Variants in ARRB1 observed in about 807,000 individuals in gnomAD.
ARRB1 encodes the protein arrestin beta 1.
In ARRB1, 21 loss-of-function variants were observed where a neutral mutation model predicts 56.8. The ratio of observed to expected loss-of-function variants is 0.37; its 90% confidence interval spans 0.26 to 0.53. The LOEUF is 0.53. Ranked by LOEUF, ARRB1 falls within the 20% of genes least tolerant of loss-of-function variation. The pLI is 0.88. For missense variants in ARRB1, 424 were observed against 553.7 expected (o/e 0.77, Z 2.35); for synonymous variants, 210 against 218.6 (o/e 0.96, Z 0.35).
At chr11:75,285,367 C>A (rs1207881152) in intron 3 of ARRB1, among the ~76,000 whole-genome samples, 1 of 152,254 alleles carries the variant, frequency 6.6e-6, no homozygotes, top group Non-Finnish European at 1.5e-5. Context: ...CTCAGCACCC[C>A]AGGAGGCCAG....
chr11:75,287,186 T>C (rs1259045796), intron 3 of ARRB1, 129 bp downstream of exon 3: 5 of 915,984 alleles, frequency 5.5e-6, no homozygotes, highest in Non-Finnish European at 6.4e-6. Context: ...AAATGCTTGC[T>C]GCCTGAAGCA....
At chr11:75,305,503 C>T (rs1320980000) in intron 1 of ARRB1, among the ~76,000 whole-genome samples, 1 of 152,210 alleles carries the variant, frequency 6.6e-6, no homozygotes, top group African/African-American at 2.4e-5. Context: ...AGTGACTTCA[C>T]ACTGGTAGAG....
At chr11:75,274,711 G>A (rs558708952) in intron 10 of ARRB1, 1 of 152,548 alleles carries the variant, frequency 6.6e-6, no homozygotes, top group African/African-American at 2.4e-5. Context: ...AGAATGGCAT[G>A]AACCTGGGAG....
chr11:75,282,174 A>G (rs1248116035), intron 5 of ARRB1, 153 bp from the exon 6 acceptor site: 7 of 681,370 alleles, frequency 1.0e-5, no homozygotes, highest in African/African-American at 1.8e-5. Flanking sequence ...GCCATGCCCC[A>G]TCTAAAACTC....
At chr11:75,291,412 A>G (rs1043309854) in intron 1 of ARRB1, among the ~76,000 whole-genome samples, 3 of 152,228 alleles carry the variant, frequency 2.0e-5, no homozygotes, top group Admixed American at 2.0e-4. Flanking sequence ...GAATGAATGA[A>G]TGAATGAGTG....
intron 1 of ARRB1, among the ~76,000 whole-genome samples, chr11:75,347,354 T>C (rs1157049591): frequency 1.3e-5 from 2 of 151,822 alleles, no homozygotes; most frequent in Non-Finnish European, 2.9e-5. Context: ...CCAAGAGAAA[T>C]GACAGCCAAA....
intron 11 of ARRB1, 21 bp downstream of exon 11, chr11:75,274,053 G>T: frequency 1.2e-6 from 2 of 1,613,980 alleles, no homozygotes; most frequent in Non-Finnish European, 1.7e-6. Flanking sequence ...GGAGCCCAGG[G>T]CTAGGAGGGC....
intron 1 of ARRB1, among the ~76,000 whole-genome samples, chr11:75,297,048 G>T (rs1047620293): frequency 1.3e-5 from 2 of 152,150 alleles, no homozygotes; most frequent in African/African-American, 4.8e-5. Context: ...AGCAGAGTAA[G>T]TCAGGAATCA....
intron 15 of ARRB1, 120 bp downstream of exon 15, chr11:75,267,532 C>A: frequency 9.6e-7 from 1 of 1,038,374 alleles, no homozygotes; most frequent in South Asian, 1.4e-5. Context: ...AGGTGGCTCT[C>A]AGCAGACGGG....
Position 75,328,774 on chromosome 11 carries a change from G to A in ARRB1, c.20+22814C>T, listed in dbSNP as rs528893768. On this transcript the variant is annotated intron_variant, in intron 1 of 15. Transcript: ENST00000420843. ...CAAGGAGTCCCAGGATCCAGGGCCA[G>A]GGGCCAGGCATACCACATCCAAGAT... Among the ~76,000 whole-genome samples, 130 of 152,346 alleles carry A rather than the reference G, an allele frequency of 8.5e-4. 5 individuals carry two copies. Among genetic ancestry groups the A allele is most frequent in the African/African-American group, 3.1e-3 (127 of 41,582 alleles).
At chr11:75,342,536 G>A (rs774405315) in intron 1 of ARRB1, among the ~76,000 whole-genome samples, 59 of 152,130 alleles carry the variant, frequency 3.9e-4, no homozygotes, top group Admixed American at 1.4e-3. Flanking sequence ...CTTGATCACC[G>A]GTGGGTCATC....
chr11:75,323,576 C>T (rs1591975725), intron 1 of ARRB1, among the ~76,000 whole-genome samples: 1 of 152,056 alleles, frequency 6.6e-6, no homozygotes, highest in African/African-American at 2.4e-5. Context: ...GCCCAGATCA[C>T]GCCACTGCAC....
intron 1 of ARRB1, among the ~76,000 whole-genome samples, chr11:75,350,630 A>G (rs1947834216): frequency 6.6e-6 from 1 of 152,136 alleles, no homozygotes; most frequent in African/African-American, 2.4e-5. Context: ...GTTTCTGAGT[A>G]TTTCAGGACA....
chr11:75,308,355 C>T lies in ARRB1; in HGVS notation c.21-18316G>A, dbSNP rs78604352. 9.8e-3 allele frequency among the ~76,000 whole-genome samples: 1,493 copies of T among 152,312 alleles called. 18 individuals are homozygous for T. Among genetic ancestry groups the T allele is most frequent in the African/African-American group, 0.032 (1,347 of 41,566 alleles). On this transcript the variant is annotated intron_variant, in intron 1 of 15. Coordinates refer to ENST00000420843, the MANE Select transcript of ARRB1 (RefSeq NM_004041.5). ...CCAGGCCCCATGACCAAGGCCCAAG[C>T]GAGCCCAGAGACAGCACTAAGTAAA...
rs1227831031 is a variant in ARRB1, at chr11:75,274,191, G to A, written c.797C>T (p.Ser266Leu). The A allele has an allele frequency of 2.5e-6, 4 of 1,614,150 alleles. No individual in the cohort carries two copies. Among genetic ancestry groups the A allele is most frequent in the African/African-American group, 1.3e-5 (1 of 75,050 alleles). Residue 266 changes from serine to leucine, a missense_variant, in exon 11 of 16, where the codon TCG becomes TTG. Coordinates refer to ENST00000420843, the MANE Select transcript of ARRB1 (RefSeq NM_004041.5). The stretch of plus-strand genomic sequence containing the variant: ...CAGTGTGTAGACCTTGCAGAACGTC[G>A]AGCTGGGTGCCACAGTGTCACTGGG... ...EEADDTVAPS[S>L]TFCKVYTLTP...
At chr11:75,300,899 C>G (rs1946885890) in intron 1 of ARRB1, among the ~76,000 whole-genome samples, 1 of 139,756 alleles carries the variant, frequency 7.2e-6, no homozygotes, top group South Asian at 2.2e-4. Context: ...ACCCGGGAGG[C>G]GGAGCTTGCA....
intron 1 of ARRB1, among the ~76,000 whole-genome samples, chr11:75,316,308 CAG>C (rs1469532189): frequency 6.7e-6 from 1 of 149,148 alleles, no homozygotes; most frequent in African/African-American, 2.5e-5. Context: ...GCCTGGGTGA[CAG>C]AGTGAGACTC....
chr11:75,302,801 C>A (rs1388970338), intron 1 of ARRB1, among the ~76,000 whole-genome samples: 2 of 152,126 alleles, frequency 1.3e-5, no homozygotes, highest in Non-Finnish European at 2.9e-5. Flanking sequence ...TCATCATTAT[C>A]CTGGCCAGTG....
Position 75,264,711 on chromosome 11 carries a change from G to A in ARRB1, c.*1452C>T, listed in dbSNP as rs1011519935. 1.3e-4 allele frequency: 20 copies of A among 152,152 alleles called. No homozygotes were observed. Among genetic ancestry groups the A allele is most frequent in the Admixed American group, 5.2e-4 (8 of 15,280 alleles). 9.4% of individuals were successfully genotyped at this position (152,152 alleles called of 1,614,324 possible). ...GGAGCTCTAATGTTCACAAATTCTT[G>A]GTGGCCAGAGCTAGGAAGGCCCATT... On this transcript the variant is annotated 3_prime_UTR_variant, in exon 16 of 16. Transcript: ENST00000420843.
Sources: gnomAD v4.1 joint callset for allele counts (sites outside exome capture counted in the v4.1 genomes callset) on GRCh38, gnomAD v4.1.1 for gene constraint, MANE v1.5 for transcripts, NCBI Gene and HGNC (gene_info 2026-07-23, HGNC 2026-07-21) for gene names.